CYP20A1: variants seen among roughly 807,000 people sequenced by gnomAD.
The protein encoded by CYP20A1 is cytochrome P450 family 20 subfamily A member 1, also known as cytochrome P450 20A1.
In CYP20A1, 61 loss-of-function variants were observed where a neutral mutation model predicts 61.4. The ratio of observed to expected loss-of-function variants is 0.99; its 90% CI spans 0.81 to 1.23. The LOEUF is 1.23. Among genes scored for constraint, CYP20A1 ranks in the 50% most tolerant of loss-of-function variants. The pLI is 0.00. For missense variants in CYP20A1, 530 were observed against 542.4 expected (o/e 0.98, Z 0.23); for synonymous variants, 193 against 188.2 (o/e 1.03, Z -0.21).
chr2:203,277,536 T>A (rs1425425253), intron 6 of CYP20A1, among the ~76,000 whole-genome samples: 4 of 151,712 alleles, frequency 2.6e-5, no homozygotes, highest in Admixed American at 2.6e-4. Context: ...AAATAAAATA[T>A]TTATTTATTT....
In CYP20A1 at chr2:203,270,400, A is replaced by G. The variant is rs559587077; in HGVS notation, c.601-2270A>G. 6.6e-5 allele frequency among the ~76,000 whole-genome samples: 10 copies of G among 151,988 alleles called. No homozygotes were observed. In the South Asian group the frequency reaches 1.7e-3, roughly 25 times the overall value. On this transcript the variant is annotated intron_variant, in intron 5 of 12. Transcript: ENST00000356079. The stretch of plus-strand genomic sequence containing the variant: ...CACCATGTTGCCCAGACTGGTCTCA[A>G]ACTTTTGGGCTCAGGGGATCCTCTG...
At chr2:203,252,906 A>G (rs1303903326) in intron 4 of CYP20A1, among the ~76,000 whole-genome samples, 1 of 151,594 alleles carries the variant, frequency 6.6e-6, no homozygotes, top group Non-Finnish European at 1.5e-5. Context: ...CCTAGTTCCT[A>G]TGTTCGTAAT....
chr2:203,250,877 A>C (rs2066639367), intron 3 of CYP20A1, among the ~76,000 whole-genome samples: 1 of 151,930 alleles, frequency 6.6e-6, no homozygotes, highest in African/African-American at 2.4e-5. Context: ...ATCCTGGCTA[A>C]CACGGTGAAA....
At chr2:203,288,162 T>C (rs1370228064) in intron 9 of CYP20A1, among the ~76,000 whole-genome samples, 1 of 148,112 alleles carries the variant, frequency 6.8e-6, no homozygotes, top group Non-Finnish European at 1.5e-5. Flanking sequence ...ACCTCCTGGG[T>C]TCAAACGATT....
chr2:203,239,143 C>G lies in CYP20A1; in HGVS notation c.72+9C>G. On this transcript the variant is annotated intron_variant, in intron 1 of 12. Transcript: ENST00000356079. ...TGCTCTACCTCTATCCGGTGAGCGC[C>G]GTCTTGGCTCTCTGGGGCCCCGGGC... 1 of 1,611,662 alleles carries G rather than the reference C, an allele frequency of 6.2e-7. No homozygotes were observed. The highest frequency in any genetic ancestry group is 8.5e-7 in the Non-Finnish European group (1 of 1,178,824).
chr2:203,275,933 A>C (rs1343587966), intron 6 of CYP20A1, among the ~76,000 whole-genome samples: 1 of 152,210 alleles, frequency 6.6e-6, no homozygotes, highest in East Asian at 1.9e-4. Flanking sequence ...GTACATTAAA[A>C]GGTGAAAAAT....
At position 203,298,542 on chromosome 2, in the gene CYP20A1, A is replaced by AG. The variant is rs1318179357; in HGVS notation, c.*1634_*1635insG. On this transcript the variant is annotated 3_prime_UTR_variant, in exon 13 of 13. Transcript: ENST00000356079. ...GTCTCTACTAAAAATACAAAAAAAA[A>AG]AAAAAAAAATTAGCCAGATGTGGTG... Among the ~76,000 whole-genome samples the AG allele has an allele frequency of 2.0e-5, 3 of 150,356 alleles. No homozygotes were observed. The highest frequency in any genetic ancestry group is 4.4e-5 in the Non-Finnish European group (3 of 67,554).
Position 203,289,757 on chromosome 2 carries a change from T to A in CYP20A1, c.972-8T>A, listed in dbSNP as rs756179257. On this transcript the variant is annotated splice_polypyrimidine_tract_variant and splice_region_variant and intron_variant, in intron 9 of 12. Coordinates refer to ENST00000356079, the MANE Select transcript of CYP20A1 (RefSeq NM_177538.3). The stretch of plus-strand genomic sequence containing the variant: ...TAAACATCTTCAAAAAAAATTTTTT[T>A]AAAACAGATATTGTCAGCATGTGCT... The A allele has an allele frequency of 1.3e-6, 2 of 1,529,324 alleles. No homozygotes were observed. Among genetic ancestry groups the A allele is most frequent in the East Asian group, 4.7e-5 (2 of 42,368 alleles). The allele number at this position is 1,529,324 out of a possible 1,614,324, so 94.7% of individuals were successfully genotyped here.
At chr2:203,280,296 G>A (rs966721103) in intron 8 of CYP20A1, among the ~76,000 whole-genome samples, 183 bp downstream of exon 8, 1 of 152,182 alleles carries the variant, frequency 6.6e-6, no homozygotes, top group Non-Finnish European at 1.5e-5. Context: ...AACTGAGCAT[G>A]ATGGCCCGTG....
chr2:203,266,562 C>G lies in CYP20A1; in HGVS notation c.481C>G (p.His161Asp). 6.2e-7 allele frequency: 1 copy of G among 1,614,000 alleles called. No homozygotes were observed. The highest frequency in any genetic ancestry group is 8.5e-7 in the Non-Finnish European group (1 of 1,179,916). The change falls in exon 5 of 13, where the codon CAC (histidine) becomes GAC (aspartate). Residue 161 changes from histidine to aspartate, a missense_variant. Coordinates refer to ENST00000356079, the MANE Select transcript of CYP20A1 (RefSeq NM_177538.3). The stretch of plus-strand genomic sequence containing the variant: ...ATGGCTCTCCTACCCAGAGACCCAG[C>G]ACGTGCCCCTCAGCCAGCATATGCT... ...DKWLSYPETQ[H>D]VPLSQHMLGF...
chr2:203,245,547 T>C (rs2066433917), intron 1 of CYP20A1, among the ~76,000 whole-genome samples: 1 of 152,106 alleles, frequency 6.6e-6, no homozygotes, highest in Non-Finnish European at 1.5e-5. Flanking sequence ...TATGTGTCCA[T>C]GTGTTCTCTT....
At chr2:203,293,844 AT>A (rs1232078570) in intron 11 of CYP20A1, among the ~76,000 whole-genome samples, 5 of 152,094 alleles carry the variant, frequency 3.3e-5, no homozygotes, top group African/African-American at 1.2e-4. Context: ...TTTGCAAGGA[AT>A]TTTTTTGTTC....
chr2:203,251,992 G>A lies in CYP20A1; in HGVS notation c.315G>A (p.Lys105=), dbSNP rs772390757. 1 of 1,603,146 alleles carries A rather than the reference G, an allele frequency of 6.2e-7. No homozygotes were observed. Among genetic ancestry groups the A allele is most frequent in the Non-Finnish European group, 8.5e-7 (1 of 1,174,260 alleles). ...CGGACCCTTTTGAAACCATGCTGAA[G>A]TCATTATTAAGGTATCAATCTGGTG... ...KTSDPFETML[K]SLLRYQSGGG... Residue 105 remains lysine (K), a synonymous_variant, in exon 4 of 13, where the codon AAG becomes AAA. Coordinates refer to ENST00000356079, the MANE Select transcript of CYP20A1 (RefSeq NM_177538.3).
intron 6 of CYP20A1, among the ~76,000 whole-genome samples, chr2:203,278,139 G>A (rs1009322605): frequency 6.6e-6 from 1 of 152,118 alleles, no homozygotes; most frequent in African/African-American, 2.4e-5. Context: ...AGCTGGGCGT[G>A]GTGGCATGTC....
Position 203,285,709 on chromosome 2 carries a change from T to G in CYP20A1, c.948T>G (p.Thr316=). 6.3e-7 allele frequency: 1 copy of G among 1,595,928 alleles called. No individual in the cohort carries two copies. Among genetic ancestry groups the G allele is most frequent in the South Asian group, 1.1e-5 (1 of 87,070 alleles). Reference sequence around the variant, plus strand: ...AAGTTTTTGGAAATGGTCCTGTTACTCCAGAGAAAATTGAGCAGCTCAGGT... The same window carrying G: ...AAGTTTTTGGAAATGGTCCTGTTACGCCAGAGAAAATTGAGCAGCTCAGGT... ...INQVFGNGPV[T]PEKIEQLRYC... is the part of the protein sequence containing the mutation. Residue 316 remains threonine (T), a synonymous_variant, in exon 9 of 13, where the codon ACT becomes ACG. Transcript: ENST00000356079.
rs371207953 is a variant in CYP20A1, at chr2:203,252,067, T to C, written c.390T>C (p.Gly130=). 56 of 1,609,642 alleles carry C rather than the reference T, an allele frequency of 3.5e-5. No homozygotes were observed. In the African/African-American group the frequency reaches 5.1e-4, roughly 15 times the overall value. The change falls in exon 4 of 13, where the codon GGT becomes GGC. Residue 130 remains glycine (G), a synonymous_variant. Transcript: ENST00000356079. ...TGAGGAAAAAATTGTATGAAAATGG[T>C]GTGACTGATTCTCTGAAGAGTAACT... ...NHMRKKLYEN[G]VTDSLKSNFA... is the part of the protein sequence containing the mutation.
intron 1 of CYP20A1, among the ~76,000 whole-genome samples, chr2:203,243,252 TC>T (rs1472925971): frequency 2.6e-5 from 4 of 151,668 alleles, no homozygotes. Flanking sequence ...CAAGCGATTC[TC>T]CCACCTCATC....
Position 203,300,246 on chromosome 2 carries a change from C to A in CYP20A1, c.*3338C>A, listed in dbSNP as rs1005445898. Among the ~76,000 whole-genome samples the A allele has an allele frequency of 6.6e-6, 1 of 152,140 alleles. No homozygotes were observed. Among genetic ancestry groups the A allele is most frequent in the African/African-American group, 2.4e-5 (1 of 41,440 alleles). ...AATCAGCTAAATTAGTATGTTTTAT[C>A]CATAGTTACATGACTAACAAATGAT... On this transcript the variant is annotated 3_prime_UTR_variant, in exon 13 of 13. Transcript: ENST00000356079.
rs768557440 is a variant in CYP20A1 at position 203,296,600 on chromosome 2, T to C, written c.1238+37T>C. On this transcript the variant is annotated intron_variant, in intron 12 of 12. Transcript: ENST00000356079. ...AATGCCAGACTCTGTTCTTAGAATT[T>C]TGATGATCACTGTTGATGAGAATGG... is the stretch of plus-strand genomic sequence containing the variant. 13 of 1,522,238 alleles carry C rather than the reference T, an allele frequency of 8.5e-6. No homozygotes were observed. The Admixed American group carries it at 2.2e-4, about 25-fold the overall frequency. 94.3% of individuals were successfully genotyped at this position (1,522,238 alleles called of 1,614,324 possible). A position where few individuals can be genotyped will look rare whatever the true frequency, so the allele number is the denominator to read the frequency against.
Sources: gnomAD v4.1 joint callset for allele counts (sites outside exome capture counted in the v4.1 genomes callset) on GRCh38, gnomAD v4.1.1 for gene constraint, MANE v1.5 for transcripts, NCBI Gene and HGNC (gene_info 2026-07-23, HGNC 2026-07-21) for gene names.